SUPT3H: variants seen among roughly 807,000 people sequenced by gnomAD.
SUPT3H encodes SPT3 homolog, SAGA and STAGA complex component.
SUPT3H carries 44 observed loss-of-function variants against 44.3 expected under a neutral mutation model. The observed-to-expected ratio is 0.99, with a 90% CI of 0.78 to 1.28. The LOEUF is 1.28. Among genes scored for constraint, SUPT3H ranks in the 50% most tolerant of loss-of-function variants. The pLI, the probability that SUPT3H is intolerant of heterozygous loss-of-function variation, is 0.00. For synonymous variants in SUPT3H, 124 were observed against 125.6 expected, an observed-to-expected ratio of 0.99 and a Z score of 0.09; for missense variants, 380 against 387.1, an observed-to-expected ratio of 0.98 and a Z score of 0.15.
intron 2 of SUPT3H, among the ~76,000 whole-genome samples, chr6:45,203,812 A>C (rs1762780304): frequency 6.6e-6 from 1 of 152,134 alleles, no homozygotes; most frequent in African/African-American, 2.4e-5. Flanking sequence ...GATCAATTGT[A>C]ACTTTTCCAA....
chr6:44,992,183 A>C (rs1780699483), intron 6 of SUPT3H, among the ~76,000 whole-genome samples: 1 of 152,214 alleles, frequency 6.6e-6, no homozygotes, highest in Admixed American at 6.5e-5. Flanking sequence ...CTGATCTCTA[A>C]GAAAACCCTT....
chr6:45,108,596 C>T (rs1175689703), intron 2 of SUPT3H, among the ~76,000 whole-genome samples: 1 of 152,024 alleles, frequency 6.6e-6, no homozygotes, highest in African/African-American at 2.4e-5. Flanking sequence ...CCTACATAAT[C>T]ATTTCAACAG....
chr6:44,912,223 C>T (rs1036389252), intron 10 of SUPT3H, among the ~76,000 whole-genome samples: 6 of 152,150 alleles, frequency 3.9e-5, no homozygotes, highest in African/African-American at 1.4e-4. Flanking sequence ...GTTCTGTGCC[C>T]ATTAAGCAAT....
At chr6:45,028,755 T>C (rs1786421489) in intron 3 of SUPT3H, among the ~76,000 whole-genome samples, 1 of 152,004 alleles carries the variant, frequency 6.6e-6, no homozygotes, top group African/African-American at 2.4e-5. Flanking sequence ...AAGCCATTCA[T>C]GTTTCTCTCC....
chr6:45,029,498 G>A (rs112252485), intron 3 of SUPT3H, among the ~76,000 whole-genome samples: 46 of 151,882 alleles, frequency 3.0e-4, no homozygotes, highest in African/African-American at 1.1e-3. Flanking sequence ...TATGAAGATA[G>A]CAGCCTTAAC....
intron 3 of SUPT3H, among the ~76,000 whole-genome samples, chr6:45,049,707 C>T (rs1174508434): frequency 1.3e-5 from 2 of 151,998 alleles, no homozygotes; most frequent in Admixed American, 6.6e-5. Context: ...AGAAAGAAAA[C>T]GAAAACAAAC....
intron 10 of SUPT3H, among the ~76,000 whole-genome samples, chr6:44,884,695 A>G (rs1778842291): frequency 6.6e-6 from 1 of 152,042 alleles, no homozygotes; most frequent in Non-Finnish European, 1.5e-5. Flanking sequence ...AATGCAGAAG[A>G]CGGGTGATTT....
At chr6:45,252,801 G>A (rs1772612957) in intron 2 of SUPT3H, among the ~76,000 whole-genome samples, 1 of 152,092 alleles carries the variant, frequency 6.6e-6, no homozygotes, top group South Asian at 2.1e-4. Context: ...TAGTGAGTAG[G>A]GTCAGGGCTG....
intron 2 of SUPT3H, among the ~76,000 whole-genome samples, chr6:45,323,253 C>A (rs1209506785): frequency 6.6e-6 from 1 of 152,000 alleles, no homozygotes; most frequent in African/African-American, 2.4e-5. Context: ...CCTTTATAAA[C>A]CTCAAAATTC....
rs532898274 is a variant in SUPT3H, at chr6:45,179,837, C to T, written c.102-73831G>A. ...GACAGGGATGCCCTCTCTCACCACT[C>T]CTATTCAACATAGTGATGGAAGTTC... On this transcript the variant is annotated intron_variant, in intron 2 of 10. Transcript: ENST00000371459. Among the ~76,000 whole-genome samples the T allele has an allele frequency of 7.5e-3, 1,142 of 152,266 alleles. 21 individuals are homozygous for T. The highest frequency in any genetic ancestry group is 0.026 in the African/African-American group (1,084 of 41,542).
intron 2 of SUPT3H, among the ~76,000 whole-genome samples, chr6:45,129,283 C>T (rs1299850300): frequency 6.6e-6 from 1 of 152,196 alleles, no homozygotes; most frequent in African/African-American, 2.4e-5. Context: ...CAACTATTTA[C>T]TCACTACTGA....
intron 6 of SUPT3H, among the ~76,000 whole-genome samples, chr6:44,974,350 T>C (rs1778022676): frequency 6.6e-6 from 1 of 152,026 alleles, no homozygotes; most frequent in Non-Finnish European, 1.5e-5. Context: ...ATTTAAGAGA[T>C]ACCTTATGGA....
intron 2 of SUPT3H, among the ~76,000 whole-genome samples, chr6:45,263,790 A>G (rs896560640): frequency 6.6e-5 from 10 of 152,168 alleles, no homozygotes; most frequent in Admixed American, 2.0e-4. Context: ...TCACCCCCCA[A>G]AAATGTGCTT....
chr6:45,217,103 A>C (rs1176717594), intron 2 of SUPT3H, among the ~76,000 whole-genome samples: 1 of 152,202 alleles, frequency 6.6e-6, no homozygotes, highest in Non-Finnish European at 1.5e-5. Flanking sequence ...TACAATTATT[A>C]TGTGTTAATG....
intron 3 of SUPT3H, among the ~76,000 whole-genome samples, chr6:45,064,902 G>A (rs1483740294): frequency 8.9e-5 from 13 of 146,414 alleles, no homozygotes; most frequent in Admixed American, 6.1e-4. Flanking sequence ...ACAGATCAAC[G>A]AGACAGAAAG....
chr6:44,961,369 A>G (rs900827865), intron 7 of SUPT3H, among the ~76,000 whole-genome samples: 10 of 152,218 alleles, frequency 6.6e-5, no homozygotes, highest in Non-Finnish European at 1.5e-4. Context: ...GGGTCCTTTA[A>G]ATGTCATGAC....
At chr6:44,890,918 G>A (rs1020950342) in intron 10 of SUPT3H, among the ~76,000 whole-genome samples, 23 of 151,742 alleles carry the variant, frequency 1.5e-4, no homozygotes, top group African/African-American at 4.6e-4. Flanking sequence ...ACTGCAAGTC[G>A]GAGTTGAACA....
chr6:45,080,221 T>C (rs558765698), intron 3 of SUPT3H, among the ~76,000 whole-genome samples: 69 of 152,228 alleles, frequency 4.5e-4, no homozygotes, highest in African/African-American at 1.3e-3. Flanking sequence ...GTCAGAGAAA[T>C]GCAAATCAAA....
At chr6:45,244,100 T>C (rs1179642264) in intron 2 of SUPT3H, among the ~76,000 whole-genome samples, 1 of 152,104 alleles carries the variant, frequency 6.6e-6, no homozygotes, top group East Asian at 1.9e-4. Context: ...CCCAGGCTGG[T>C]CTCAAACTCC....
Sources: allele counts gnomAD v4.1 joint callset (sites outside exome capture counted in the v4.1 genomes callset), GRCh38; gene constraint gnomAD v4.1.1; transcripts MANE v1.5; gene names NCBI Gene and HGNC (gene_info 2026-07-23, HGNC 2026-07-21).